The following RBFOX2 variants were observed in gnomAD, a reference collection of about 807,000 sequenced individuals.
RBFOX2 encodes RNA binding protein fox-1 homolog 2.
RBFOX2 carries 10 observed loss-of-function variants against 49.1 expected under a neutral mutation model. The observed-to-expected ratio is 0.20, with a 90% CI of 0.13 to 0.35. RBFOX2 has a LOEUF of 0.35. Among genes scored for constraint, RBFOX2 ranks in the 10% least tolerant of loss-of-function variants. The pLI is 1.00. For missense variants in RBFOX2, 323 were observed against 486.9 expected, an observed-to-expected ratio of 0.66 and a Z score of 3.17; for synonymous variants, 183 against 187.4, an observed-to-expected ratio of 0.98 and a Z score of 0.19.
chr22:35,856,760 C>G (rs1053695395), intron 1 of RBFOX2, among the ~76,000 whole-genome samples: 1 of 152,042 alleles, frequency 6.6e-6, no homozygotes, highest in African/African-American at 2.4e-5. Flanking sequence ...GGGCCAGGCA[C>G]GGTGGCTCAC....
intron 1 of RBFOX2, among the ~76,000 whole-genome samples, chr22:35,881,019 C>T (rs1363617267): frequency 1.3e-5 from 2 of 152,162 alleles, no homozygotes; most frequent in Admixed American, 6.5e-5. Flanking sequence ...AATCCCAGCA[C>T]TTTGGGAGGC....
intron 1 of RBFOX2, among the ~76,000 whole-genome samples, chr22:35,862,445 G>A (rs537369932): frequency 1.3e-5 from 2 of 152,084 alleles, no homozygotes; most frequent in African/African-American, 2.4e-5. Context: ...TACAGAAAAG[G>A]TCTTCTGAAA....
chr22:35,796,384 G>A (rs961775105), intron 2 of RBFOX2, among the ~76,000 whole-genome samples: 11 of 152,156 alleles, frequency 7.2e-5, no homozygotes, highest in East Asian at 3.9e-4. Context: ...TTTCCAAAAC[G>A]TAATAAATTT....
At chr22:35,934,972 T>C (rs1238612739) in intron 1 of RBFOX2, among the ~76,000 whole-genome samples, 3 of 152,166 alleles carry the variant, frequency 2.0e-5, no homozygotes, top group African/African-American at 7.2e-5. Flanking sequence ...TCTTGTTCTG[T>C]CACCCAGGCT....
At chr22:35,832,457 A>G (rs1286576886) in intron 1 of RBFOX2, among the ~76,000 whole-genome samples, 2 of 152,220 alleles carry the variant, frequency 1.3e-5, no homozygotes, top group East Asian at 3.8e-4. Flanking sequence ...CTTAATACTC[A>G]TAACTGTAGA....
intron 1 of RBFOX2, among the ~76,000 whole-genome samples, chr22:35,895,678 C>G (rs2047759478): frequency 6.6e-6 from 1 of 152,156 alleles, no homozygotes; most frequent in African/African-American, 2.4e-5. Flanking sequence ...ACACTTTACT[C>G]ACCACGCAGA....
chr22:35,777,832 C>T (rs1438999618), intron 4 of RBFOX2, 193 bp downstream of exon 5: 3 of 588,056 alleles, frequency 5.1e-6, no homozygotes, highest in Non-Finnish European at 8.8e-6. Flanking sequence ...CACCCTTCCA[C>T]CCCCATATAA....
chr22:35,758,394 TG>T (rs1569262700), intron 9 of RBFOX2, among the ~76,000 whole-genome samples: 1 of 152,196 alleles, frequency 6.6e-6, no homozygotes, highest in Non-Finnish European at 1.5e-5. Context: ...GGAAGTCCCA[TG>T]TTTCTGGTGA....
intron 1 of RBFOX2, among the ~76,000 whole-genome samples, chr22:36,012,195 G>A (rs1338562194): frequency 6.6e-6 from 1 of 152,038 alleles, no homozygotes; most frequent in African/African-American, 2.4e-5. Flanking sequence ...TAAATATACG[G>A]CATGCCAAAC....
At chr22:35,926,074 A>G (rs1309535404) in intron 1 of RBFOX2, among the ~76,000 whole-genome samples, 2 of 152,238 alleles carry the variant, frequency 1.3e-5, no homozygotes, top group African/African-American at 4.8e-5. Context: ...ACCCGTAACT[A>G]TATTGTCCAC....
chr22:35,860,995 T>C (rs2043033929), intron 1 of RBFOX2, among the ~76,000 whole-genome samples: 1 of 152,228 alleles, frequency 6.6e-6, no homozygotes, highest in Admixed American at 6.5e-5. Context: ...GACTGTATGA[T>C]ACTGGTGTCA....
intron 1 of RBFOX2, among the ~76,000 whole-genome samples, chr22:35,903,401 C>A (rs2048801248): frequency 1.3e-5 from 2 of 152,086 alleles, no homozygotes; most frequent in Admixed American, 1.3e-4. Flanking sequence ...GTTTCAGTAT[C>A]TTTTTATGGC....
At chr22:35,795,902 A>T (rs570001560) in intron 2 of RBFOX2, among the ~76,000 whole-genome samples, 1 of 152,334 alleles carries the variant, frequency 6.6e-6, no homozygotes, top group South Asian at 2.1e-4. Context: ...ATTGCTTCAG[A>T]AGAGAGCCTT....
At chr22:35,997,075 T>C (rs182277086) in intron 1 of RBFOX2, 1 of 152,340 alleles carries the variant, frequency 6.6e-6, no homozygotes, top group East Asian at 1.9e-4. Flanking sequence ...CAAACTAATA[T>C]TGATTTAATG....
exon 12 of RBFOX2, chr22:35,741,073 G>A (rs1395287349): frequency 6.6e-6 from 1 of 152,182 alleles, no homozygotes; most frequent in Non-Finnish European, 1.5e-5. Flanking sequence ...GGTGATAGTA[G>A]GTTTTGTTAA....
chr22:35,783,796 C>T (rs560676958), intron 2 of RBFOX2, among the ~76,000 whole-genome samples: 213 of 152,296 alleles, frequency 1.4e-3, no homozygotes, highest in South Asian at 2.7e-3. Flanking sequence ...CTTTCAAGGA[C>T]GGCCCCACAC....
At chr22:36,027,428 T>C (rs1048174199) in intron 1 of RBFOX2, among the ~76,000 whole-genome samples, 2 of 152,210 alleles carry the variant, frequency 1.3e-5, no homozygotes, top group African/African-American at 2.4e-5. Context: ...TCAGCTGACA[T>C]CAATACCTTT....
chr22:35,757,581 G>C (rs1468262821), intron 9 of RBFOX2, among the ~76,000 whole-genome samples: 1 of 152,174 alleles, frequency 6.6e-6, no homozygotes, highest in Non-Finnish European at 1.5e-5. Context: ...TAGGTGGAAT[G>C]TTTCTTAATT....
intron 1 of RBFOX2, among the ~76,000 whole-genome samples, chr22:35,858,401 C>T (rs1017968261): frequency 6.6e-6 from 1 of 152,240 alleles, no homozygotes; most frequent in African/African-American, 2.4e-5. Flanking sequence ...TTACCTCCAA[C>T]TAGAAGTGAT....
Sources: gnomAD v4.1 joint callset for allele counts (sites outside exome capture counted in the v4.1 genomes callset) on GRCh38, gnomAD v4.1.1 for gene constraint, MANE v1.5 for transcripts, NCBI Gene and HGNC (gene_info 2026-07-23, HGNC 2026-07-21) for gene names.